Variants in SGCZ observed in about 807,000 individuals in gnomAD.
SGCZ encodes sarcoglycan zeta, also known as zeta-sarcoglycan.
In SGCZ, 40 loss-of-function variants were observed where a neutral mutation model predicts 41.3. The observed-to-expected ratio is 0.97, with a 90% confidence interval of 0.75 to 1.26. The LOEUF is 1.26. Ranked by LOEUF, SGCZ falls within the 50% of genes most tolerant of loss-of-function variation. SGCZ has a pLI of 0.00. For synonymous variants in SGCZ, 206 were observed against 137.5 expected, an observed-to-expected ratio of 1.50 and a Z score of -3.49; for missense variants, 552 against 369.8, an observed-to-expected ratio of 1.49 and a Z score of -4.04.
chr8:15,056,746 T>G (rs1804721962), intron 1 of SGCZ, among the ~76,000 whole-genome samples: 1 of 152,186 alleles, frequency 6.6e-6, no homozygotes, highest in Admixed American at 6.5e-5. Context: ...TCAATATTCA[T>G]ACAGCTCCAC....
intron 5 of SGCZ, among the ~76,000 whole-genome samples, chr8:14,136,019 T>C: frequency 6.6e-6 from 1 of 152,118 alleles, no homozygotes; most frequent in East Asian, 1.9e-4. Context: ...AAAAAAATAG[T>C]ATAAAGCCGA....
At chr8:15,200,368 G>C (rs1245966784) in intron 1 of SGCZ, among the ~76,000 whole-genome samples, 1 of 152,238 alleles carries the variant, frequency 6.6e-6, no homozygotes, top group South Asian at 2.1e-4. Context: ...TTTCCATCAT[G>C]TTCCAGGCCA....
At chr8:14,924,476 G>T (rs1409403018) in intron 1 of SGCZ, among the ~76,000 whole-genome samples, 2 of 151,734 alleles carry the variant, frequency 1.3e-5, no homozygotes, top group South Asian at 4.2e-4. Context: ...CCATTAATAG[G>T]TTTTATATTT....
At chr8:14,947,891 T>A (rs907072160) in intron 1 of SGCZ, among the ~76,000 whole-genome samples, 4 of 152,196 alleles carry the variant, frequency 2.6e-5, no homozygotes, top group African/African-American at 9.7e-5. Context: ...ATTCATCAGA[T>A]TGATTTTTGA....
intron 1 of SGCZ, among the ~76,000 whole-genome samples, chr8:14,732,641 G>A (rs745773154): frequency 3.9e-5 from 6 of 152,126 alleles, no homozygotes; most frequent in Admixed American, 2.6e-4. Context: ...TGCTGTTTTC[G>A]TGAACTGATG....
chr8:14,223,930 C>A (rs1173960411), intron 4 of SGCZ, among the ~76,000 whole-genome samples: 3 of 152,156 alleles, frequency 2.0e-5, no homozygotes, highest in African/African-American at 7.2e-5. Context: ...CTTATCCCAT[C>A]TCAATCATCA....
At chr8:14,994,237 T>G (rs1802128337) in intron 1 of SGCZ, among the ~76,000 whole-genome samples, 1 of 152,216 alleles carries the variant, frequency 6.6e-6, no homozygotes, top group Admixed American at 6.5e-5. Context: ...GGCATCTTCA[T>G]ATGTATCTCA....
At chr8:14,504,112 A>T (rs540982132) in intron 2 of SGCZ, among the ~76,000 whole-genome samples, 24 of 151,906 alleles carry the variant, frequency 1.6e-4, no homozygotes, top group Non-Finnish European at 3.2e-4. Flanking sequence ...TTATATTTTT[A>T]TTTCATGACT....
intron 1 of SGCZ, among the ~76,000 whole-genome samples, chr8:14,564,448 G>A (rs188204579): frequency 7.9e-5 from 12 of 152,278 alleles, no homozygotes; most frequent in East Asian, 7.7e-4. Flanking sequence ...CCTTCTGTGC[G>A]TCTTAGGGAA....
rs114747504 is a variant in SGCZ at position 14,971,632 on chromosome 8, C to T, written c.39+265953G>A. Among the ~76,000 whole-genome samples the T allele has an allele frequency of 2.0e-5, 3 of 146,348 alleles. No individual in the cohort carries two copies. The East Asian group carries it at 6.0e-4, about 29-fold the overall frequency. Reference sequence around the variant, plus strand: ...AATCTCATGTGGTCATGAGGCATTACTCATTTTATATACTTTTTTTTTTTT... The same window carrying T: ...AATCTCATGTGGTCATGAGGCATTATTCATTTTATATACTTTTTTTTTTTT... On this transcript the variant is annotated intron_variant, in intron 1 of 7. Transcript: ENST00000382080.
intron 6 of SGCZ, among the ~76,000 whole-genome samples, chr8:14,102,846 A>C (rs1802076501): frequency 6.6e-6 from 1 of 152,210 alleles, no homozygotes; most frequent in African/African-American, 2.4e-5. Context: ...AATTTTTAAT[A>C]ACTTACCAGT....
At chr8:15,013,500 T>C (rs534081557) in intron 1 of SGCZ, among the ~76,000 whole-genome samples, 33 of 152,244 alleles carry the variant, frequency 2.2e-4, no homozygotes, top group South Asian at 8.3e-4. Flanking sequence ...CCTATTTCCT[T>C]TTCCTAATGT....
At chr8:15,186,323 A>AG (rs1800343937) in intron 1 of SGCZ, among the ~76,000 whole-genome samples, 1 of 38,138 alleles carries the variant, frequency 2.6e-5, no homozygotes, top group African/African-American at 5.8e-5. Flanking sequence ...CGCATGTAGT[A>AG]GTCCAAAGAG....
At chr8:15,055,977 C>T (rs532301035) in intron 1 of SGCZ, among the ~76,000 whole-genome samples, 36 of 152,296 alleles carry the variant, frequency 2.4e-4, no homozygotes, top group African/African-American at 7.0e-4. Flanking sequence ...TGAAATCTAT[C>T]GATCGTAAAG....
intron 1 of SGCZ, among the ~76,000 whole-genome samples, chr8:15,142,777 A>T (rs1419364987): frequency 6.6e-6 from 1 of 150,838 alleles, no homozygotes; most frequent in Non-Finnish European, 1.5e-5. Context: ...GCACCCAGCT[A>T]CTTTTTGTAT....
intron 1 of SGCZ, among the ~76,000 whole-genome samples, chr8:14,737,636 G>C (rs990231896): frequency 6.6e-6 from 1 of 151,984 alleles, no homozygotes; most frequent in Non-Finnish European, 1.5e-5. Flanking sequence ...TCCTTCTGAG[G>C]CCTCTCTCCT....
chr8:14,859,911 T>G (rs1313001517), intron 1 of SGCZ, among the ~76,000 whole-genome samples: 1 of 152,200 alleles, frequency 6.6e-6, no homozygotes, highest in Non-Finnish European at 1.5e-5. Flanking sequence ...CATTGATTAA[T>G]TGATTTTGTG....
intron 1 of SGCZ, among the ~76,000 whole-genome samples, chr8:14,744,539 A>G (rs922270178): frequency 6.6e-6 from 1 of 152,154 alleles, no homozygotes; most frequent in Admixed American, 6.6e-5. Flanking sequence ...ATTTAGAAAT[A>G]AAATCAGTAT....
intron 2 of SGCZ, among the ~76,000 whole-genome samples, chr8:14,381,468 C>T (rs1804360914): frequency 6.6e-6 from 1 of 152,034 alleles, no homozygotes; most frequent in Non-Finnish European, 1.5e-5. Flanking sequence ...AAGAATACTT[C>T]CAAAACATAT....
Sources: allele counts gnomAD v4.1 joint callset (sites outside exome capture counted in the v4.1 genomes callset), GRCh38; gene constraint gnomAD v4.1.1; transcripts MANE v1.5; gene names NCBI Gene and HGNC (gene_info 2026-07-23, HGNC 2026-07-21).